CNTNAP5: variants seen among roughly 807,000 people sequenced by gnomAD.
CNTNAP5 encodes contactin associated protein family member 5.
A neutral mutation model predicts 150.2 loss-of-function variants in CNTNAP5; 72 were observed. The ratio of observed to expected loss-of-function variants is 0.48; its 90% CI spans 0.40 to 0.58. The LOEUF (loss-of-function observed/expected upper bound fraction) is 0.58, where lower values mean the gene tolerates loss of function less well. CNTNAP5 is among the 20% of genes least tolerant of loss of function. CNTNAP5 has a pLI of 0.00. For missense variants in CNTNAP5, 1,636 were observed against 1,626.2 expected (o/e 1.01, Z -0.10); for synonymous variants, 672 against 619.8 (o/e 1.08, Z -1.25).
At chr2:124,307,756 G>T (rs1688727684) in intron 3 of CNTNAP5, among the ~76,000 whole-genome samples, 1 of 152,164 alleles carries the variant, frequency 6.6e-6, no homozygotes, top group Non-Finnish European at 1.5e-5. Flanking sequence ...AAGAGATACA[G>T]GTGGGGAAGC....
At chr2:124,522,401 G>C (rs1694865084) in intron 8 of CNTNAP5, among the ~76,000 whole-genome samples, 1 of 152,146 alleles carries the variant, frequency 6.6e-6, no homozygotes, top group Non-Finnish European at 1.5e-5. Context: ...CAAGCAGTAG[G>C]ACCTGTGAGT....
At chr2:124,355,508 A>T (rs904181906) in intron 3 of CNTNAP5, among the ~76,000 whole-genome samples, 1 of 152,104 alleles carries the variant, frequency 6.6e-6, no homozygotes, top group Non-Finnish European at 1.5e-5. Flanking sequence ...CACTGAACCA[A>T]CTTTTCCATG....
In CNTNAP5 at chr2:124,574,790, C is replaced by G. The variant is rs182927546; in HGVS notation, c.1756+11467C>G. ...GAAGGAATTTCCAGTGTGTTCATTC[C>G]GATTCATGCAAATATATTTTGACTA... On this transcript the variant is annotated intron_variant, in intron 11 of 23. Coordinates refer to ENST00000682447, the MANE Select transcript of CNTNAP5 (RefSeq NM_001367498.1). 1.0e-3 allele frequency among the ~76,000 whole-genome samples: 159 copies of G among 152,214 alleles called. 2 individuals are homozygous for G. The highest frequency in any genetic ancestry group is 9.2e-3 in the Admixed American group (140 of 15,290).
chr2:124,915,588 A>G lies in CNTNAP5; in HGVS notation c.*1300A>G, dbSNP rs990358115. On this transcript the variant is annotated 3_prime_UTR_variant, in exon 24 of 24. Transcript: ENST00000682447. ...GAGGAGCCCTTAGGTTCTGTAGCAT[A>G]CCACATTTTCAAATCTGCTATACCC... Among the ~76,000 whole-genome samples, 1 of 152,026 alleles carries G rather than the reference A, an allele frequency of 6.6e-6. No homozygotes were observed. The highest frequency in any genetic ancestry group is 2.1e-4 in the South Asian group (1 of 4,830).
chr2:124,285,827 A>G (rs1354943777), intron 3 of CNTNAP5, among the ~76,000 whole-genome samples: 4 of 151,806 alleles, frequency 2.6e-5, no homozygotes, highest in Admixed American at 2.0e-4. Flanking sequence ...AAACAAACGA[A>G]AAACAAGAAG....
At chr2:124,499,924 T>C (rs1402650037) in intron 7 of CNTNAP5, among the ~76,000 whole-genome samples, 1 of 152,070 alleles carries the variant, frequency 6.6e-6, no homozygotes, top group Non-Finnish European at 1.5e-5. Context: ...GTCTGGGAAG[T>C]CTCATGATCT....
At chr2:124,897,647 TTG>T (rs1678333207) in intron 21 of CNTNAP5, among the ~76,000 whole-genome samples, 1 of 151,312 alleles carries the variant, frequency 6.6e-6, no homozygotes, top group Non-Finnish European at 1.5e-5. Flanking sequence ...AGAAATAAAA[TTG>T]TGTTTAGCTT....
intron 10 of CNTNAP5, among the ~76,000 whole-genome samples, chr2:124,532,615 C>T (rs2104896324): frequency 6.6e-6 from 1 of 152,258 alleles, no homozygotes; most frequent in Middle Eastern, 3.4e-3. Context: ...AGAGGCCATA[C>T]CTGGGAAAAA....
rs148051910 is a variant in CNTNAP5, at chr2:124,274,039, G to C, written c.381+31646G>C. On this transcript the variant is annotated intron_variant, in intron 3 of 23. Transcript: ENST00000682447. ...TCACCTCATTAAAAAAGCTCAAAGAGTTGACATCAACTTAGCAATATATTT... is the reference window on the plus strand; with the variant it reads ...TCACCTCATTAAAAAAGCTCAAAGACTTGACATCAACTTAGCAATATATTT... 4.2e-3 allele frequency among the ~76,000 whole-genome samples: 639 copies of C among 152,240 alleles called. 8 individuals carry two copies. Among genetic ancestry groups the C allele is most frequent in the East Asian group, 0.031 (161 of 5,182 alleles).
chr2:124,724,923 C>CTTTTT (rs71387242), intron 13 of CNTNAP5, among the ~76,000 whole-genome samples: 6 of 111,518 alleles, frequency 5.4e-5, no homozygotes, highest in South Asian at 3.3e-4. Flanking sequence ...ATTCCCTTAG[C>CTTTTT]TTTTTTTTTT....
intron 17 of CNTNAP5, among the ~76,000 whole-genome samples, chr2:124,775,415 G>C (rs1265452281): frequency 2.6e-5 from 4 of 152,158 alleles, no homozygotes. Flanking sequence ...GGAATAGATT[G>C]AGTGTAGCAT....
At chr2:124,600,630 G>C (rs1205817687) in intron 11 of CNTNAP5, among the ~76,000 whole-genome samples, 1 of 151,932 alleles carries the variant, frequency 6.6e-6, no homozygotes, top group Non-Finnish European at 1.5e-5. Context: ...GTTCCAGTTT[G>C]GCTTAAATTG....
chr2:124,206,982 C>T (rs1685880987), intron 1 of CNTNAP5, among the ~76,000 whole-genome samples: 1 of 152,144 alleles, frequency 6.6e-6, no homozygotes, highest in Non-Finnish European at 1.5e-5. Flanking sequence ...TAACTTTTCA[C>T]ATATATTCTG....
chr2:124,250,224 C>T (rs1294757921), intron 3 of CNTNAP5, among the ~76,000 whole-genome samples: 1 of 152,140 alleles, frequency 6.6e-6, no homozygotes, highest in Non-Finnish European at 1.5e-5. Context: ...CTGGGCTCCG[C>T]CTGCAGAAAG....
chr2:124,726,871 T>C (rs1290250801), intron 13 of CNTNAP5, among the ~76,000 whole-genome samples: 1 of 152,060 alleles, frequency 6.6e-6, no homozygotes, highest in African/African-American at 2.4e-5. Context: ...TTTACTTTTG[T>C]TGTCTGTGCT....
In CNTNAP5 at chr2:124,718,832, C is replaced by T. The variant is rs185968356; in HGVS notation, c.2078-28397C>T. 3.9e-5 allele frequency among the ~76,000 whole-genome samples: 6 copies of T among 152,094 alleles called. No individual in the cohort carries two copies. The East Asian group carries it at 1.2e-3, about 29-fold the overall frequency. On this transcript the variant is annotated intron_variant, in intron 13 of 23. Coordinates refer to ENST00000682447, the MANE Select transcript of CNTNAP5 (RefSeq NM_001367498.1). The stretch of plus-strand genomic sequence containing the variant: ...TGGTGGCGCATGCCTGTAGTCCCAG[C>T]TACTCGGGATGCTGAGGCAGGGGAA...
chr2:124,447,440 G>T (rs534107344), intron 6 of CNTNAP5, among the ~76,000 whole-genome samples: 160 of 152,256 alleles, frequency 1.1e-3, no homozygotes, highest in African/African-American at 3.8e-3. Flanking sequence ...ACAGTGAAAT[G>T]AACCAGTTCA....
intron 7 of CNTNAP5, among the ~76,000 whole-genome samples, chr2:124,478,801 G>A (rs1693701361): frequency 6.6e-6 from 1 of 152,200 alleles, no homozygotes; most frequent in African/African-American, 2.4e-5. Context: ...GCCTTGGGAA[G>A]TTCAGATTCA....
chr2:124,246,455 G>C (rs146378975), intron 3 of CNTNAP5, among the ~76,000 whole-genome samples: 1 of 152,058 alleles, frequency 6.6e-6, no homozygotes, highest in Non-Finnish European at 1.5e-5. Flanking sequence ...ACAATGTTCA[G>C]AATCTTAGCA....
Sources: allele counts gnomAD v4.1 joint callset (sites outside exome capture counted in the v4.1 genomes callset), GRCh38; gene constraint gnomAD v4.1.1; transcripts MANE v1.5; gene names NCBI Gene and HGNC (gene_info 2026-07-23, HGNC 2026-07-21).